Variants in SAMTOR observed in about 807,000 individuals in gnomAD.
The protein encoded by SAMTOR is S-adenosylmethionine sensor upstream of mTORC1.
chr7:112,830,066 G>C, the SAMTOR span, among the ~76,000 whole-genome samples: 1 of 151,700 alleles, frequency 6.6e-6, no homozygotes, highest in African/African-American at 2.4e-5. Flanking sequence ...TAGCTGCCTC[G>C]GTCTCCTAGG....
At chr7:112,929,989 CA>C in the SAMTOR span, among the ~76,000 whole-genome samples, 87,105 of 151,676 alleles carry the variant, frequency 0.57, 28,952 homozygotes, top group East Asian at 0.9. Flanking sequence ...TCTAAAAAAG[CA>C]AAAAAATACA....
At chr7:112,852,458 T>C in the SAMTOR span, among the ~76,000 whole-genome samples, 1 of 152,046 alleles carries the variant, frequency 6.6e-6, no homozygotes, top group East Asian at 1.9e-4. Flanking sequence ...TAATAGACAT[T>C]GGAGAATCCA....
the SAMTOR span, among the ~76,000 whole-genome samples, chr7:112,914,332 A>C: frequency 6.8e-6 from 1 of 146,554 alleles, no homozygotes; most frequent in Non-Finnish European, 1.5e-5. Context: ...TATATAGGTA[A>C]ATTGCACGTC....
At chr7:112,867,735 A>C in the SAMTOR span, among the ~76,000 whole-genome samples, 1 of 152,266 alleles carries the variant, frequency 6.6e-6, no homozygotes, top group African/African-American at 2.4e-5. Context: ...CTATATTTAA[A>C]TAAAATGCCT....
At chr7:112,897,808 G>C in the SAMTOR span, among the ~76,000 whole-genome samples, 2 of 152,120 alleles carry the variant, frequency 1.3e-5, no homozygotes, top group Non-Finnish European at 2.9e-5. Flanking sequence ...AGACCTGCAA[G>C]AATATCAAAT....
chr7:112,928,510 T>G, the SAMTOR span, among the ~76,000 whole-genome samples: 3 of 152,020 alleles, frequency 2.0e-5, no homozygotes, highest in Non-Finnish European at 4.4e-5. Context: ...CAAAGACTAC[T>G]TTTGATTTAC....
chr7:112,882,333 G>C, the SAMTOR span, among the ~76,000 whole-genome samples: 3 of 152,320 alleles, frequency 2.0e-5, no homozygotes, highest in African/African-American at 7.2e-5. Flanking sequence ...TTGGACAAAG[G>C]CACCACCAGC....
chr7:112,837,286 T>G, the SAMTOR span, among the ~76,000 whole-genome samples: 1 of 152,052 alleles, frequency 6.6e-6, no homozygotes, highest in African/African-American at 2.4e-5. Context: ...ACATTTATTT[T>G]GTATCCTGAA....
the SAMTOR span, among the ~76,000 whole-genome samples, chr7:112,830,323 C>T: frequency 6.6e-6 from 1 of 152,096 alleles, no homozygotes; most frequent in African/African-American, 2.4e-5. Context: ...CTTATCCCAT[C>T]TTGGCTGGAA....
chr7:112,918,072 G>A, the SAMTOR span, among the ~76,000 whole-genome samples: 1 of 152,136 alleles, frequency 6.6e-6, no homozygotes, highest in Non-Finnish European at 1.5e-5. Context: ...GCAGGCCAAC[G>A]TTCAGATTCA....
chr7:112,884,876 C>T, the SAMTOR span, among the ~76,000 whole-genome samples: 1 of 152,244 alleles, frequency 6.6e-6, no homozygotes, highest in African/African-American at 2.4e-5. Flanking sequence ...CCCTTCCACA[C>T]TGCCCTAGCA....
the SAMTOR span, among the ~76,000 whole-genome samples, chr7:112,924,519 G>A: frequency 6.6e-6 from 1 of 152,106 alleles, no homozygotes; most frequent in Admixed American, 6.5e-5. Context: ...TTGTTAAGAT[G>A]ACTATATATC....
At chr7:112,868,366 G>A in the SAMTOR span, among the ~76,000 whole-genome samples, 27 of 152,230 alleles carry the variant, frequency 1.8e-4, no homozygotes, top group Non-Finnish European at 3.7e-4. Context: ...AGACCCTGGG[G>A]AGGAGAAGGC....
At chr7:112,846,359 A>G in the SAMTOR span, among the ~76,000 whole-genome samples, 23 of 152,174 alleles carry the variant, frequency 1.5e-4, no homozygotes, top group Non-Finnish European at 1.5e-4. Context: ...ACTGGGGCCT[A>G]CTTGAGGGTA....
the SAMTOR span, among the ~76,000 whole-genome samples, chr7:112,827,255 C>T: frequency 6.6e-6 from 1 of 152,088 alleles, no homozygotes; most frequent in Non-Finnish European, 1.5e-5. Flanking sequence ...TCAATTGGGG[C>T]ATTTAGGCCA....
chr7:112,916,947 G>C, the SAMTOR span, among the ~76,000 whole-genome samples: 1 of 152,194 alleles, frequency 6.6e-6, no homozygotes, highest in Non-Finnish European at 1.5e-5. Context: ...AGGGAAGCTC[G>C]AACTGGGTGG....
chr7:112,852,630 G>C, the SAMTOR span, among the ~76,000 whole-genome samples: 1 of 151,780 alleles, frequency 6.6e-6, no homozygotes, highest in Non-Finnish European at 1.5e-5. Flanking sequence ...TAAAATTTTT[G>C]GTCAGCCCTT....
chr7:112,931,746 C>T, the SAMTOR span, among the ~76,000 whole-genome samples: 2 of 152,020 alleles, frequency 1.3e-5, no homozygotes, highest in Non-Finnish European at 2.9e-5. Flanking sequence ...AAAATAAACA[C>T]AGCAATGGGT....
At chr7:112,849,545 A>G in the SAMTOR span, among the ~76,000 whole-genome samples, 4 of 152,202 alleles carry the variant, frequency 2.6e-5, no homozygotes, top group African/African-American at 9.7e-5. Context: ...TTCATCAGCA[A>G]ACAGAGAAAA....
Sources: allele counts gnomAD v4.1 joint callset (sites outside exome capture counted in the v4.1 genomes callset), GRCh38; gene constraint gnomAD v4.1.1; transcripts MANE v1.5; gene names NCBI Gene and HGNC (gene_info 2026-07-23, HGNC 2026-07-21).